The following ABCA5 variants were observed in gnomAD, a reference collection of about 807,000 sequenced individuals.
ABCA5 encodes ATP binding cassette subfamily A member 5.
In ABCA5, 163 loss-of-function variants were observed where a neutral mutation model predicts 206.0. That is an observed-to-expected ratio of 0.79 (90% CI 0.70 to 0.90). The LOEUF (loss-of-function observed/expected upper bound fraction) is 0.90. ABCA5 is among the 40% of genes least tolerant of loss of function. The pLI is 0.00. For synonymous variants in ABCA5, 609 were observed against 613.8 expected (o/e 0.99, Z 0.11); for missense variants, 1,859 against 1,912.9 (o/e 0.97, Z 0.53).
intron 15 of ABCA5, 76 bp from the exon 16 acceptor site, chr17:69,286,387 CTCATA>C (rs1463874533): frequency 1.5e-6 from 2 of 1,296,746 alleles, no homozygotes; most frequent in African/African-American, 1.5e-5. Flanking sequence ...TTTATGGTTT[CTCATA>C]TGAGAGTCAT....
chr17:69,293,532 A>T (rs566047816), intron 11 of ABCA5, among the ~76,000 whole-genome samples: 1 of 152,268 alleles, frequency 6.6e-6, no homozygotes, highest in South Asian at 2.1e-4. Flanking sequence ...TAACTTTTAT[A>T]ATCATCTGAG....
chr17:69,288,535 A>AT (rs1231180299), intron 14 of ABCA5, among the ~76,000 whole-genome samples: 7 of 152,138 alleles, frequency 4.6e-5, no homozygotes, highest in Non-Finnish European at 8.8e-5. Flanking sequence ...CAGCAATGTT[A>AT]TTTTTTGGCC....
At chr17:69,281,035 TA>T (rs960486612) in intron 18 of ABCA5, among the ~76,000 whole-genome samples, 76 of 145,020 alleles carry the variant, frequency 5.2e-4, no homozygotes, top group African/African-American at 1.5e-3. Flanking sequence ...AGTATAATAA[TA>T]AAAAAAAATA....
chr17:69,317,246 T>A (rs1370248556), intron 1 of ABCA5: 1 of 151,434 alleles, frequency 6.6e-6, no homozygotes, highest in Non-Finnish European at 1.5e-5. Flanking sequence ...AAAAAAAATA[T>A]ACAAAAATTA....
At chr17:69,298,357 A>AGGAAGGGAGGGAGGGGGAAG (rs2075614695) in intron 9 of ABCA5, among the ~76,000 whole-genome samples, 1 of 151,542 alleles carries the variant, frequency 6.6e-6, no homozygotes, top group Non-Finnish European at 1.5e-5. Flanking sequence ...GAAAGAAGGA[A>AGGAAGGGAGGGAGGGGGAAG]AGAAAGGGCA....
In ABCA5 at chr17:69,289,932, A is replaced by G; in HGVS notation, c.1712T>C (p.Leu571Ser). 6.2e-7 allele frequency: 1 copy of G among 1,612,168 alleles called. No individual in the cohort carries two copies. Among genetic ancestry groups the G allele is most frequent in the Non-Finnish European group, 8.5e-7 (1 of 1,179,278 alleles). ...CPQLDIHFDV[L>S]TVEENLSILA... ...AATTGATAAATTTTCTTCTACTGTC[A>G]AAACATCAAAGTGTATATCTAACTG... is the stretch of plus-strand genomic sequence containing the variant. The change falls in exon 13 of 39, where the codon TTG becomes TCG. Residue 571 changes from leucine to serine, a missense_variant. By Grantham distance (145) the Leu-to-Ser change is moderately radical. Transcript: ENST00000392676.
intron 7 of ABCA5, among the ~76,000 whole-genome samples, chr17:69,303,461 G>T (rs2075672949): frequency 6.6e-6 from 1 of 151,340 alleles, no homozygotes; most frequent in Non-Finnish European, 1.5e-5. Flanking sequence ...CTGTATCATA[G>T]GTAAACATGA....
chr17:69,309,455 A>C, intron 3 of ABCA5, 32 bp from the exon 4 acceptor site: 13 of 1,421,774 alleles, frequency 9.1e-6, no homozygotes, highest in Non-Finnish European at 1.2e-5. Flanking sequence ...TAGTTAGCTC[A>C]CAAATTAAAA....
At position 69,308,237 on chromosome 17, in the gene ABCA5, T is replaced by C. The variant is rs779786807; in HGVS notation, c.558+43A>G. The C allele has an allele frequency of 3.9e-6, 5 of 1,290,744 alleles. No homozygotes were observed. In the African/African-American group the frequency reaches 5.9e-5, roughly 15 times the overall value. The allele number at this position is 1,290,744 out of a possible 1,614,324, so 80.0% of individuals were successfully genotyped here. A position where few individuals can be genotyped will look rare whatever the true frequency, so the allele number is the denominator to read the frequency against. Reference sequence around the variant, plus strand: ...GTAAAGAATAAGGAAATATTTATTTTAAAATGGCATAGTTTTTGTATTTCT... The same window carrying C: ...GTAAAGAATAAGGAAATATTTATTTCAAAATGGCATAGTTTTTGTATTTCT... On this transcript the variant is annotated intron_variant, in intron 5 of 38. Transcript: ENST00000392676.
Position 69,285,997 on chromosome 17 carries a change from A to G in ABCA5, c.2173T>C (p.Ser725Pro). The stretch of plus-strand genomic sequence containing the variant: ...CCAGGTATATGTTGTTTAACCAGTG[A>G]AGAAAGAGATTCTGTGGCACAATAT... ...DKYCATESLSSLVKQHIPGAT... is the reference protein window; with the variant it reads ...DKYCATESLSPLVKQHIPGAT... Residue 725 changes from serine to proline, a missense_variant, in exon 17 of 39, where the codon TCA becomes CCA. By Grantham distance (74) the Ser-to-Pro change is moderately conservative (BLOSUM62 -1). Coordinates refer to ENST00000392676, the MANE Select transcript of ABCA5 (RefSeq NM_172232.4). 3.7e-6 allele frequency: 6 copies of G among 1,612,980 alleles called. No homozygotes were observed. The highest frequency in any genetic ancestry group is 4.2e-6 in the Non-Finnish European group (5 of 1,179,456).
chr17:69,254,259 T>C (rs2075049796), intron 32 of ABCA5, 56 bp downstream of exon 32: 9 of 1,397,202 alleles, frequency 6.4e-6, no homozygotes, highest in Middle Eastern at 1.8e-4. Context: ...TTTAAAAATA[T>C]GAAATGCAAA....
In ABCA5 at chr17:69,246,537, T is replaced by C. The variant is rs2074954123; in HGVS notation, c.*1000A>G. ...TAATTTAACCCTTGAAAGAGTTTAT[T>C]CATATCCTACCATGTTCCAAAGTCA... On this transcript the variant is annotated 3_prime_UTR_variant, in exon 39 of 39. Transcript: ENST00000392676. 3.3e-5 allele frequency: 5 copies of C among 152,002 alleles called. 1 individual carries two copies. The South Asian group carries it at 1.0e-3, about 31-fold the overall frequency. 9.4% of individuals were successfully genotyped at this position (152,002 alleles called of 1,614,324 possible).
intron 9 of ABCA5, 70 bp downstream of exon 9, chr17:69,301,069 T>G: frequency 7.4e-7 from 1 of 1,359,488 alleles, no homozygotes; most frequent in South Asian, 1.8e-5. Context: ...AATCTTAAAA[T>G]TAAGCTGACC....
At chr17:69,291,186 GTTT>G (rs34164530) in intron 12 of ABCA5, 27 bp downstream of exon 12, 35 of 1,374,400 alleles carry the variant, frequency 2.5e-5, no homozygotes, top group Non-Finnish European at 3.4e-5. Context: ...ATATAATGAA[GTTT>G]TTTTTTCTTT....
chr17:69,303,848 ATATATATG>A (rs1223227402), intron 7 of ABCA5, among the ~76,000 whole-genome samples: 2 of 38,684 alleles, frequency 5.2e-5, no homozygotes, highest in Non-Finnish European at 1.1e-4. Context: ...ATACATACAT[ATATATATG>A]TATATATATA....
Position 69,258,221 on chromosome 17 carries a change from A to G in ABCA5, c.3731+1485T>C, listed in dbSNP as rs865904436. On this transcript the variant is annotated intron_variant, in intron 28 of 38. Transcript: ENST00000392676. The stretch of plus-strand genomic sequence containing the variant: ...TTACATAAAAAAGACACCTGAACTC[A>G]TATGTTCATCATGGTACTATTCACA... Among the ~76,000 whole-genome samples the G allele has an allele frequency of 1.2e-4, 19 of 152,286 alleles. 1 individual carries two copies. The Middle Eastern group carries it at 0.014, about 109-fold the overall frequency.
chr17:69,315,877 T>G (rs1318393481), intron 1 of ABCA5, among the ~76,000 whole-genome samples: 2 of 151,822 alleles, frequency 1.3e-5, no homozygotes, highest in Non-Finnish European at 2.9e-5. Context: ...GATAAAACTT[T>G]TAAAGCAGCT....
chr17:69,318,754 G>A (rs1386515075), intron 1 of ABCA5: 5 of 652,694 alleles, frequency 7.7e-6, no homozygotes, highest in African/African-American at 3.6e-5. Context: ...TTACACTCCC[G>A]AGTTGAAAAA....
At chr17:69,318,428 T>C (rs1291509496) in intron 1 of ABCA5, among the ~76,000 whole-genome samples, 3 of 152,104 alleles carry the variant, frequency 2.0e-5, no homozygotes, top group Non-Finnish European at 4.4e-5. Context: ...TCTTTTCCAG[T>C]AAATATATAT....
Sources: gnomAD v4.1 joint callset for allele counts (sites outside exome capture counted in the v4.1 genomes callset) on GRCh38, gnomAD v4.1.1 for gene constraint, MANE v1.5 for transcripts, NCBI Gene and HGNC (gene_info 2026-07-23, HGNC 2026-07-21) for gene names.